The following BRAF variants were observed in gnomAD, a reference collection of about 807,000 sequenced individuals.
The protein encoded by BRAF is serine/threonine-protein kinase B-raf.
BRAF carries 16 observed loss-of-function variants against 104.6 expected under a neutral mutation model. That is an observed-to-expected ratio of 0.15 (90% CI 0.10 to 0.23). The LOEUF (loss-of-function observed/expected upper bound fraction) is 0.23, where lower values mean the gene tolerates loss of function less well. Ranked by LOEUF, BRAF falls within the 10% of genes least tolerant of loss-of-function variation. The pLI is 1.00. For missense variants in BRAF, 541 were observed against 937.3 expected (o/e 0.58, Z 5.52); for synonymous variants, 310 against 341.6 (o/e 0.91, Z 1.02).
At chr7:140,862,979 G>T (rs1321079094) in intron 1 of BRAF, among the ~76,000 whole-genome samples, 1 of 152,124 alleles carries the variant, frequency 6.6e-6, no homozygotes, top group Non-Finnish European at 1.5e-5. Context: ...TACCAGTCAA[G>T]CATGAGGGCA....
chr7:140,829,603 T>G (rs1363940952), intron 3 of BRAF, among the ~76,000 whole-genome samples: 3 of 152,206 alleles, frequency 2.0e-5, no homozygotes, highest in African/African-American at 7.2e-5. Flanking sequence ...CTTTTAATAT[T>G]AGCTTGGCTA....
intron 1 of BRAF, among the ~76,000 whole-genome samples, chr7:140,871,972 T>C (rs1285278586): frequency 6.6e-6 from 1 of 152,094 alleles, no homozygotes; most frequent in Non-Finnish European, 1.5e-5. Flanking sequence ...ATCCTAGCAC[T>C]TTGGGAGGCC....
chr7:140,823,222 T>G (rs1388612774), intron 3 of BRAF, among the ~76,000 whole-genome samples: 2 of 152,172 alleles, frequency 1.3e-5, no homozygotes, highest in Non-Finnish European at 2.9e-5. Flanking sequence ...AGTGTACAAT[T>G]CAGTAGTGTT....
At chr7:140,914,627 A>C (rs1817375533) in intron 1 of BRAF, among the ~76,000 whole-genome samples, 1 of 151,786 alleles carries the variant, frequency 6.6e-6, no homozygotes, top group Admixed American at 6.6e-5. Context: ...TTTTTATGGT[A>C]AAAAAAAGTT....
At position 140,724,236 on chromosome 7, in the gene BRAF, A is replaced by C; in HGVS notation, c.*2258T>G. ...GCCCCACGGAGGCAGTCCCGGACCCAGGCTGCACATGTTCTACCTCCTCAG... is the reference window on the plus strand; with the variant it reads ...GCCCCACGGAGGCAGTCCCGGACCCCGGCTGCACATGTTCTACCTCCTCAG... On this transcript the variant is annotated 3_prime_UTR_variant, in exon 20 of 20. Coordinates refer to ENST00000644969, the MANE Select transcript of BRAF (RefSeq NM_001374258.1). 9.4e-7 allele frequency: 1 copy of C among 1,059,346 alleles called. No individual in the cohort carries two copies. Among genetic ancestry groups the C allele is most frequent in the Non-Finnish European group, 1.1e-6 (1 of 875,548 alleles). The allele number at this position is 1,059,346 out of a possible 1,614,324, so 65.6% of individuals were successfully genotyped here.
At chr7:140,908,727 C>A (rs1816612392) in intron 1 of BRAF, among the ~76,000 whole-genome samples, 2 of 152,214 alleles carry the variant, frequency 1.3e-5, no homozygotes, top group African/African-American at 4.8e-5. Flanking sequence ...TCACCCTTAA[C>A]CTAACGATAG....
intron 9 of BRAF, among the ~76,000 whole-genome samples, chr7:140,786,185 G>GA (rs566449517): frequency 2.7e-4 from 40 of 150,562 alleles, no homozygotes; most frequent in Admixed American, 3.3e-4. Flanking sequence ...TAACAAACAG[G>GA]AAAAAAAAAG....
chr7:140,722,706 C>T lies in BRAF; in HGVS notation c.*3788G>A. On this transcript the variant is annotated 3_prime_UTR_variant, in exon 20 of 20. Transcript: ENST00000644969. ...GGTGGTCTTTCTATGAATGCCTGTG[C>T]ATGTGACAAAGCTGCAGCAAACTCA... The T allele has an allele frequency of 8.6e-6, 9 of 1,050,880 alleles. No individual in the cohort carries two copies. Among genetic ancestry groups the T allele is most frequent in the Non-Finnish European group, 1.0e-5 (9 of 870,294 alleles). The allele number at this position is 1,050,880 out of a possible 1,614,324, so 65.1% of individuals were successfully genotyped here.
intron 12 of BRAF, 77 bp downstream of exon 11, chr7:140,781,499 G>T: frequency 7.7e-7 from 1 of 1,299,794 alleles, no homozygotes; most frequent in Non-Finnish European, 1.1e-6. Flanking sequence ...TTCCTTTGAT[G>T]ATATTTTTTA....
intron 11 of BRAF, among the ~76,000 whole-genome samples, chr7:140,782,588 G>A (rs1445133792): frequency 6.6e-6 from 1 of 152,010 alleles, no homozygotes; most frequent in Non-Finnish European, 1.5e-5. Context: ...TTTACTTTAA[G>A]TTCTGGGATA....
At position 140,835,021 on chromosome 7, in the gene BRAF, T is replaced by C. The variant is rs71645946; in HGVS notation, c.241-149A>G. On this transcript the variant is annotated intron_variant, in intron 2 of 19. Coordinates refer to ENST00000644969, the MANE Select transcript of BRAF (RefSeq NM_001374258.1). ...TACAAAATAAGTGCCAGAAATACTA[T>C]AAATGAATACTTTCACCTTTAAATT... 737 of 792,144 alleles carry C rather than the reference T, an allele frequency of 9.3e-4. 4 individuals are homozygous for C. The African/African-American group carries it at 0.011, about 12-fold the overall frequency. 49.1% of individuals were successfully genotyped at this position (792,144 alleles called of 1,614,324 possible).
chr7:140,833,305 T>C (rs1031593698), intron 3 of BRAF, among the ~76,000 whole-genome samples: 1 of 152,138 alleles, frequency 6.6e-6, no homozygotes, highest in Non-Finnish European at 1.5e-5. Context: ...GAAGGAACAA[T>C]ACCGTGATGA....
chr7:140,880,561 T>A (rs1030845750), intron 1 of BRAF, among the ~76,000 whole-genome samples: 40 of 152,312 alleles, frequency 2.6e-4, no homozygotes, highest in South Asian at 2.1e-4. Flanking sequence ...GAAAGGTGAA[T>A]AATTTGCAGA....
intron 17 of BRAF, among the ~76,000 whole-genome samples, chr7:140,746,458 G>A (rs1307100070): frequency 6.6e-6 from 1 of 152,080 alleles, no homozygotes; most frequent in African/African-American, 2.4e-5. Context: ...AGAGCTAAGA[G>A]AACTATTTTA....
At chr7:140,869,150 G>A (rs1811288888) in intron 1 of BRAF, among the ~76,000 whole-genome samples, 1 of 152,194 alleles carries the variant, frequency 6.6e-6, no homozygotes, top group Admixed American at 6.5e-5. Flanking sequence ...ATTAACCAGA[G>A]TGGAGATGTA....
At chr7:140,802,863 G>C (rs1378535265) in intron 5 of BRAF, among the ~76,000 whole-genome samples, 2 of 152,062 alleles carry the variant, frequency 1.3e-5, no homozygotes, top group Non-Finnish European at 2.9e-5. Context: ...TATCATAAAA[G>C]TCTACAGTAA....
chr7:140,878,871 G>T (rs1812554733), intron 1 of BRAF, among the ~76,000 whole-genome samples: 1 of 151,900 alleles, frequency 6.6e-6, no homozygotes, highest in Non-Finnish European at 1.5e-5. Flanking sequence ...TAATCATTAT[G>T]TATCCATTTT....
intron 2 of BRAF, among the ~76,000 whole-genome samples, chr7:140,845,232 T>C (rs934680352): frequency 1.3e-5 from 2 of 152,130 alleles, no homozygotes; most frequent in Admixed American, 1.3e-4. Flanking sequence ...CCTTACATCA[T>C]ATAAAAATTA....
Position 140,726,430 on chromosome 7 carries a change from G to A in BRAF, c.*64C>T, listed in dbSNP as rs1795600040. ...GATTTGAGGAACAGAACTGTGTTTTGATGTTAACAAATTGTACGAACACAA... is the reference window on the plus strand; with the variant it reads ...GATTTGAGGAACAGAACTGTGTTTTAATGTTAACAAATTGTACGAACACAA... On this transcript the variant is annotated 3_prime_UTR_variant, in exon 20 of 20. Coordinates refer to ENST00000644969, the MANE Select transcript of BRAF (RefSeq NM_001374258.1). 1 of 1,531,754 alleles carries A rather than the reference G, an allele frequency of 6.5e-7. No homozygotes were observed. The highest frequency in any genetic ancestry group is 8.7e-7 in the Non-Finnish European group (1 of 1,145,808). The allele number at this position is 1,531,754 out of a possible 1,614,324, so 94.9% of individuals were successfully genotyped here.
Sources: allele counts gnomAD v4.1 joint callset (sites outside exome capture counted in the v4.1 genomes callset), GRCh38; gene constraint gnomAD v4.1.1; transcripts MANE v1.5; gene names NCBI Gene and HGNC (gene_info 2026-07-23, HGNC 2026-07-21).